Variants in DYNLT2 observed in about 807,000 individuals in gnomAD.
The protein encoded by DYNLT2 is dynein light chain Tctex-type 2.
Under a neutral mutation model 24.3 loss-of-function variants are expected in DYNLT2, and 24 were observed. The observed-to-expected ratio is 0.99, with a 90% confidence interval of 0.71 to 1.39. The LOEUF (loss-of-function observed/expected upper bound fraction) is 1.39, where lower values mean the gene tolerates loss of function less well. DYNLT2 is among the 40% of genes most tolerant of loss of function. The pLI is 0.00. For missense variants in DYNLT2, 246 were observed against 234.5 expected (o/e 1.05, Z -0.32); for synonymous variants, 85 against 85.4 (o/e 1.00, Z 0.03).
intron 1 of DYNLT2, among the ~76,000 whole-genome samples, chr6:169,747,690 T>G (rs1034277269): frequency 5.3e-5 from 8 of 152,378 alleles, no homozygotes; most frequent in African/African-American, 1.9e-4. Flanking sequence ...TTCATATGAT[T>G]AAATTTGACG....
the DYNLT2 span, among the ~76,000 whole-genome samples, chr6:169,731,241 C>A: frequency 6.6e-6 from 1 of 152,246 alleles, no homozygotes; most frequent in African/African-American, 2.4e-5. Context: ...CTTTATAATG[C>A]ACCTGGAATC....
chr6:169,747,847 A>G (rs1443967434), intron 1 of DYNLT2, among the ~76,000 whole-genome samples: 2 of 152,326 alleles, frequency 1.3e-5, no homozygotes, highest in East Asian at 1.9e-4. Context: ...AAGACCAGAC[A>G]GTGTGAATTT....
intron 2 of DYNLT2, 79 bp downstream of exon 2, chr6:169,743,989 A>C: frequency 7.2e-7 from 1 of 1,380,324 alleles, no homozygotes; most frequent in Non-Finnish European, 1.0e-6. Flanking sequence ...TCCTGGAATA[A>C]ATTTCTTCGT....
intron 1 of DYNLT2, among the ~76,000 whole-genome samples, chr6:169,745,089 T>A (rs576313875): frequency 1.3e-4 from 19 of 149,626 alleles, no homozygotes; most frequent in Non-Finnish European, 2.2e-4. Flanking sequence ...TGCTGTGAAG[T>A]TTTTTTTGTT....
rs773463829 is a variant in DYNLT2, at chr6:169,740,155, A to G, written c.*30T>C. The stretch of plus-strand genomic sequence containing the variant: ...TTTCATTTATTTTTGAAAAGTTCGG[A>G]AGTAAACAATCCTTAGTACCTGTAA... On this transcript the variant is annotated 3_prime_UTR_variant, in exon 4 of 4. Coordinates refer to ENST00000366774, the MANE Select transcript of DYNLT2 (RefSeq NM_174910.3). The G allele has an allele frequency of 1.1e-5, 15 of 1,386,634 alleles. No homozygotes were observed. The South Asian group carries it at 1.3e-4, about 12-fold the overall frequency. The allele number at this position is 1,386,634 out of a possible 1,614,324, so 85.9% of individuals were successfully genotyped here. A position where few individuals can be genotyped will look rare whatever the true frequency, so the allele number is the denominator to read the frequency against.
the DYNLT2 span, among the ~76,000 whole-genome samples, chr6:169,731,242 A>T: frequency 6.6e-6 from 1 of 152,302 alleles, no homozygotes; most frequent in African/African-American, 2.4e-5. Context: ...TTTATAATGC[A>T]CCTGGAATCC....
At position 169,751,367 on chromosome 6, in the gene DYNLT2, C is replaced by T. The variant is rs1265567766; in HGVS notation, c.92G>A (p.Arg31Lys). ...QQAPVTPRKERRPSMFEKEAY... is the reference protein window; with the variant it reads ...QQAPVTPRKEKRPSMFEKEAY... Reference sequence around the variant, plus strand: ...CTCCTTCTCGAACATGCTAGGCCTCCTTTCTTTCCTAGGCGTCACCGGAGC... The same window carrying T: ...CTCCTTCTCGAACATGCTAGGCCTCTTTTCTTTCCTAGGCGTCACCGGAGC... Residue 31 changes from arginine to lysine, a missense_variant, in exon 1 of 4, where the codon AGG becomes AAG. Transcript: ENST00000366774. 2 of 1,614,120 alleles carry T rather than the reference C, an allele frequency of 1.2e-6. No homozygotes were observed. Among genetic ancestry groups the T allele is most frequent in the South Asian group, 2.2e-5 (2 of 91,084 alleles).
chr6:169,748,025 G>A (rs1053113143), intron 1 of DYNLT2, among the ~76,000 whole-genome samples: 3 of 152,144 alleles, frequency 2.0e-5, no homozygotes, highest in Admixed American at 6.5e-5. Flanking sequence ...GGCAATACAC[G>A]TCTTAGCACG....
chr6:169,747,721 C>T (rs1393968887), intron 1 of DYNLT2, among the ~76,000 whole-genome samples: 2 of 152,184 alleles, frequency 1.3e-5, no homozygotes, highest in Non-Finnish European at 1.5e-5. Context: ...ACTCTCTTAA[C>T]TACTTTAATG....
At chr6:169,741,308 A>G (rs1467000288) in intron 3 of DYNLT2, among the ~76,000 whole-genome samples, 1 of 152,168 alleles carries the variant, frequency 6.6e-6, no homozygotes, top group Non-Finnish European at 1.5e-5. Context: ...ATGTTATGAA[A>G]GCCCACTCAA....
At chr6:169,742,893 C>G (rs1267590384) in intron 3 of DYNLT2, among the ~76,000 whole-genome samples, 187 bp downstream of exon 3, 3 of 152,170 alleles carry the variant, frequency 2.0e-5, no homozygotes, top group Non-Finnish European at 2.9e-5. Flanking sequence ...GCCAACGAAC[C>G]CAGCTGGTTT....
intron 1 of DYNLT2, among the ~76,000 whole-genome samples, chr6:169,746,001 A>G (rs1294849404): frequency 1.3e-5 from 2 of 152,184 alleles, no homozygotes; most frequent in Non-Finnish European, 2.9e-5. Context: ...CTTTTGGGAA[A>G]TTGCATCTTT....
the DYNLT2 span, among the ~76,000 whole-genome samples, chr6:169,727,837 A>G: frequency 6.6e-6 from 1 of 152,204 alleles, no homozygotes; most frequent in African/African-American, 2.4e-5. Context: ...TGCTGGGATT[A>G]CAGGCGTGAG....
the DYNLT2 span, among the ~76,000 whole-genome samples, chr6:169,729,222 C>A: frequency 6.6e-6 from 1 of 152,118 alleles, no homozygotes; most frequent in Non-Finnish European, 1.5e-5. Flanking sequence ...CAATTTAAAC[C>A]AAAAGATCCT....
At position 169,747,484 on chromosome 6, in the gene DYNLT2, A is replaced by G. The variant is rs999250459; in HGVS notation, c.121-3210T>C. On this transcript the variant is annotated intron_variant, in intron 1 of 3. Coordinates refer to ENST00000366774, the MANE Select transcript of DYNLT2 (RefSeq NM_174910.3). ...CTGTCAAAGCTCATTGACATCGTGT[A>G]ATATTTTTTCAGCATCCCCCCCAAT... is the stretch of plus-strand genomic sequence containing the variant. 4.6e-5 allele frequency among the ~76,000 whole-genome samples: 7 copies of G among 152,112 alleles called. No homozygotes were observed. The East Asian group carries it at 1.2e-3, about 25-fold the overall frequency.
In DYNLT2 at chr6:169,743,207, T is replaced by C. The variant is rs141929995; in HGVS notation, c.359A>G (p.Lys120Arg). 4.5e-6 allele frequency: 7 copies of C among 1,564,882 alleles called. No homozygotes were observed. The African/African-American group carries it at 8.1e-5, about 18-fold the overall frequency. ...TTCAAGTGACAAGTGAGAGAATACT[T>C]TATCATCATATTTGACATCTTTAAG... ...ESLKDVKYDD[K>R]VFSHLSLELA... Residue 120 changes from lysine to arginine, a missense_variant, in exon 3 of 4, where the codon AAA becomes AGA. Physicochemically the swap from Lys to Arg is conservative, Grantham distance 26. Transcript: ENST00000366774.
chr6:169,726,574 C>T, the DYNLT2 span, among the ~76,000 whole-genome samples: 8 of 152,140 alleles, frequency 5.3e-5, no homozygotes, highest in African/African-American at 1.9e-4. Flanking sequence ...TAGGGAGGTA[C>T]TATGATGTAA....
chr6:169,736,025 T>G (rs1789553956), downstream of DYNLT2, among the ~76,000 whole-genome samples: 1 of 152,224 alleles, frequency 6.6e-6, no homozygotes, highest in Non-Finnish European at 1.5e-5. Flanking sequence ...ATTGTTCCCT[T>G]TACCATTACA....
downstream of DYNLT2, among the ~76,000 whole-genome samples, chr6:169,736,803 T>G (rs1789571038): frequency 6.6e-6 from 1 of 152,212 alleles, no homozygotes; most frequent in Non-Finnish European, 1.5e-5. Flanking sequence ...GGGGTTGATC[T>G]TCTCATGGAG....
Sources: gnomAD v4.1 joint callset for allele counts (sites outside exome capture counted in the v4.1 genomes callset) on GRCh38, gnomAD v4.1.1 for gene constraint, MANE v1.5 for transcripts, NCBI Gene and HGNC (gene_info 2026-07-23, HGNC 2026-07-21) for gene names.